PSD3: variants seen among roughly 807,000 people sequenced by gnomAD.
PSD3 encodes the protein pleckstrin and Sec7 domain containing 3.
A neutral mutation model predicts 105.5 loss-of-function variants in PSD3; 49 were observed. That is an observed-to-expected ratio of 0.46 (90% confidence interval 0.37 to 0.59). The LOEUF (loss-of-function observed/expected upper bound fraction) is 0.59, where lower values mean the gene tolerates loss of function less well. Ranked by LOEUF, PSD3 falls within the 20% of genes least tolerant of loss-of-function variation. PSD3 has a pLI of 0.00. For synonymous variants in PSD3, 557 were observed against 457.8 expected (o/e 1.22, Z -2.77); for missense variants, 1,561 against 1,263.8 (o/e 1.24, Z -3.57).
intron 12 of PSD3, among the ~76,000 whole-genome samples, chr8:18,582,850 G>C (rs1319467171): frequency 8.1e-6 from 1 of 124,166 alleles, no homozygotes; most frequent in African/African-American, 3.3e-5. Flanking sequence ...TTTTGAGACA[G>C]AGTCTCGCTC....
At chr8:18,806,440 A>G (rs1170199660) in intron 4 of PSD3, among the ~76,000 whole-genome samples, 4 of 152,222 alleles carry the variant, frequency 2.6e-5, no homozygotes, top group Non-Finnish European at 5.9e-5. Context: ...TCTTGTATTT[A>G]TAACAGTGAA....
At chr8:19,066,447 G>C (rs1829077876) in intron 1 of PSD3, among the ~76,000 whole-genome samples, 1 of 152,176 alleles carries the variant, frequency 6.6e-6, no homozygotes, top group African/African-American at 2.4e-5. Flanking sequence ...GGAGCAGAGG[G>C]TCAACCAATA....
chr8:19,074,439 C>A (rs1244944726), intron 1 of PSD3, among the ~76,000 whole-genome samples: 1 of 151,892 alleles, frequency 6.6e-6, no homozygotes, highest in Non-Finnish European at 1.5e-5. Flanking sequence ...ATTTCAAATT[C>A]TCCAGTGTTG....
At chr8:19,029,233 G>A (rs529047839) in intron 1 of PSD3, among the ~76,000 whole-genome samples, 409 of 152,298 alleles carry the variant, frequency 2.7e-3, no homozygotes, top group Non-Finnish European at 4.3e-3. Context: ...CACTGAATCT[G>A]TAGGTCAGCT....
chr8:18,546,295 C>A (rs1174454138), intron 15 of PSD3, among the ~76,000 whole-genome samples: 1 of 152,188 alleles, frequency 6.6e-6, no homozygotes, highest in Admixed American at 6.5e-5. Flanking sequence ...CCGTGCCCAG[C>A]CTTGAAGTAA....
intron 1 of PSD3, among the ~76,000 whole-genome samples, chr8:19,027,630 T>C (rs931795078): frequency 2.6e-5 from 4 of 152,214 alleles, no homozygotes; most frequent in South Asian, 2.1e-4. Context: ...TCAGAGCAAC[T>C]GCTGACAGAG....
At position 18,728,630 on chromosome 8, in the gene PSD3, T is replaced by C. The variant is rs549332119; in HGVS notation, c.2172+36819A>G. On this transcript the variant is annotated intron_variant, in intron 9 of 15. Transcript: ENST00000327040. ...CAGCAAAGAGCCAAAGCTGCTGGGG[T>C]GGGCAAGGACCAGACTTTCAAGGGC... Among the ~76,000 whole-genome samples, 5 of 152,218 alleles carry C rather than the reference T, an allele frequency of 3.3e-5. No individual in the cohort carries two copies. The South Asian group carries it at 1.0e-3, about 32-fold the overall frequency.
At chr8:18,897,849 T>C (rs1178250451) in intron 2 of PSD3, among the ~76,000 whole-genome samples, 1 of 152,220 alleles carries the variant, frequency 6.6e-6, no homozygotes, top group East Asian at 1.9e-4. Flanking sequence ...TCTAAGTTGA[T>C]TTTGTATCCT....
chr8:19,081,921 G>A (rs1829657651), intron 1 of PSD3, among the ~76,000 whole-genome samples: 1 of 152,152 alleles, frequency 6.6e-6, no homozygotes, highest in African/African-American at 2.4e-5. Flanking sequence ...ACATAACTGA[G>A]CACATTTTCC....
intron 10 of PSD3, among the ~76,000 whole-genome samples, chr8:18,641,376 T>G (rs77233779): frequency 0.04 from 6,117 of 152,228 alleles, 147 homozygotes; most frequent in East Asian, 0.096. Flanking sequence ...CCTGATATCA[T>G]GATGATTAAG....
intron 1 of PSD3, among the ~76,000 whole-genome samples, chr8:19,006,805 T>C (rs1826703150): frequency 6.6e-6 from 1 of 152,086 alleles, no homozygotes; most frequent in Non-Finnish European, 1.5e-5. Flanking sequence ...TCATCTACAA[T>C]GAAAATCAAC....
rs530850746 is a variant in PSD3, at chr8:18,595,121, A to G, written c.2481+5243T>C. On this transcript the variant is annotated intron_variant, in intron 12 of 15. Transcript: ENST00000327040. ...TACAAAAGGATATAATTTGTGACGG[A>G]GTAAAAGTATAGTTTTGGCATATGA... Among the ~76,000 whole-genome samples, 9 of 152,148 alleles carry G rather than the reference A, an allele frequency of 5.9e-5. No individual in the cohort carries two copies. In the South Asian group the frequency reaches 1.9e-3, roughly 32 times the overall value.
At chr8:18,799,106 A>G in intron 8 of PSD3, 189 bp downstream of exon 8, 1 of 551,610 alleles carries the variant, frequency 1.8e-6, no homozygotes, top group Non-Finnish European at 3.2e-6. Context: ...ATGGATTTAA[A>G]GTCATACTCT....
intron 1 of PSD3, among the ~76,000 whole-genome samples, chr8:18,965,633 G>A (rs1271051107): frequency 6.6e-6 from 1 of 152,224 alleles, no homozygotes; most frequent in African/African-American, 2.4e-5. Context: ...ACTCGAAGCT[G>A]CAAAATGCAG....
intron 11 of PSD3, among the ~76,000 whole-genome samples, chr8:18,622,622 A>G (rs1224679258): frequency 2.0e-5 from 3 of 152,238 alleles, no homozygotes; most frequent in Non-Finnish European, 2.9e-5. Context: ...AAAATTGTAC[A>G]TAAGTGTACA....
chr8:18,813,258 G>T (rs186039483), intron 4 of PSD3, among the ~76,000 whole-genome samples: 1 of 152,070 alleles, frequency 6.6e-6, no homozygotes. Flanking sequence ...GGAAGAAGAG[G>T]GAATGGGTAA....
At chr8:18,928,115 T>C (rs1821492852) in intron 2 of PSD3, among the ~76,000 whole-genome samples, 1 of 152,214 alleles carries the variant, frequency 6.6e-6, no homozygotes, top group Non-Finnish European at 1.5e-5. Context: ...GGTTTGGCTG[T>C]GTCTCCACCC....
chr8:19,007,982 A>G (rs1171736358), intron 1 of PSD3, among the ~76,000 whole-genome samples: 1 of 152,164 alleles, frequency 6.6e-6, no homozygotes, highest in Admixed American at 6.5e-5. Flanking sequence ...AGCTGGGATT[A>G]CAGGCACCTG....
Position 18,533,506 on chromosome 8 carries a change from A to G in PSD3, c.*2237T>C, listed in dbSNP as rs1799711966. ...GTGCTGATGCTAGCCGAGTATTTCA[A>G]CACTACTCTAAATGTCAGAAATACT... On this transcript the variant is annotated 3_prime_UTR_variant, in exon 16 of 16. Transcript: ENST00000327040. The G allele has an allele frequency of 6.6e-6, 1 of 152,184 alleles. No individual in the cohort carries two copies. Among genetic ancestry groups the G allele is most frequent in the African/African-American group, 2.4e-5 (1 of 41,446 alleles). 9.4% of individuals were successfully genotyped at this position (152,184 alleles called of 1,614,324 possible).
Sources: gnomAD v4.1 joint callset for allele counts (sites outside exome capture counted in the v4.1 genomes callset) on GRCh38, gnomAD v4.1.1 for gene constraint, MANE v1.5 for transcripts, NCBI Gene and HGNC (gene_info 2026-07-23, HGNC 2026-07-21) for gene names.